The following FAM168A variants were observed in gnomAD, a reference collection of about 807,000 sequenced individuals.
The protein encoded by FAM168A is protein FAM168A.
In FAM168A, 3 loss-of-function variants were observed where a neutral mutation model predicts 28.5. That is an observed-to-expected ratio of 0.11 (90% CI 0.05 to 0.27). The LOEUF is 0.27. Among genes scored for constraint, FAM168A ranks in the 10% least tolerant of loss-of-function variants. FAM168A has a pLI of 1.00. For missense variants in FAM168A, 222 were observed against 311.5 expected (o/e 0.71, Z 2.16); for synonymous variants, 122 against 124.2 (o/e 0.98, Z 0.12).
rs1360517633 is a variant in FAM168A, at chr11:73,405,955, C to CA, written c.*807dup. The CA allele has an allele frequency of 6.6e-6, 1 of 152,630 alleles. No homozygotes were observed. The highest frequency in any genetic ancestry group is 2.4e-5 in the African/African-American group (1 of 41,426). 9.5% of individuals were successfully genotyped at this position (152,630 alleles called of 1,614,324 possible). A position where few individuals can be genotyped will look rare whatever the true frequency, so the allele number is the denominator to read the frequency against. ...TGCAGCCGCTTGGCAGGTCTAAGGA[C>CA]AAAATCACCTTTTGAGGAAGTGCCA... On this transcript the variant is annotated 3_prime_UTR_variant, in exon 8 of 8. Coordinates refer to ENST00000356467, the MANE Select transcript of FAM168A (RefSeq NM_015159.3).
At chr11:73,518,551 T>C (rs1476499678) in intron 1 of FAM168A, among the ~76,000 whole-genome samples, 1 of 150,978 alleles carries the variant, frequency 6.6e-6, no homozygotes, top group Non-Finnish European at 1.5e-5. Flanking sequence ...GGGCGTGGAA[T>C]TGTGGTGGGG....
intron 2 of FAM168A, among the ~76,000 whole-genome samples, chr11:73,451,701 T>C (rs1867433647): frequency 6.6e-6 from 1 of 152,264 alleles, no homozygotes; most frequent in African/African-American, 2.4e-5. Context: ...TACAGATTTG[T>C]AGCCTAGGCT....
chr11:73,441,196 TTA>T (rs1334668797), intron 2 of FAM168A, among the ~76,000 whole-genome samples: 1 of 152,010 alleles, frequency 6.6e-6, no homozygotes, highest in Non-Finnish European at 1.5e-5. Context: ...GTAGCTGGGA[TTA>T]CAGGCACATG....
intron 1 of FAM168A, among the ~76,000 whole-genome samples, chr11:73,580,098 T>C (rs1733303554): frequency 6.6e-6 from 1 of 152,164 alleles, no homozygotes; most frequent in African/African-American, 2.4e-5. Context: ...AGAAAACTGA[T>C]GCTACAATCT....
chr11:73,581,980 G>A lies in FAM168A; in HGVS notation c.-19+15943C>T, dbSNP rs140303215. On this transcript the variant is annotated intron_variant, in intron 1 of 7. Coordinates refer to ENST00000356467, the MANE Select transcript of FAM168A (RefSeq NM_015159.3). ...GATCCGCCCACCTCGGCCTCCCAAA[G>A]TGCTGGGATTACAGGCATGAGCCAC... Among the ~76,000 whole-genome samples the A allele has an allele frequency of 6.0e-4, 91 of 152,032 alleles. 1 individual carries two copies. The East Asian group carries it at 0.014, about 24-fold the overall frequency.
chr11:73,436,742 A>C (rs1362469709), intron 2 of FAM168A, among the ~76,000 whole-genome samples: 1 of 152,214 alleles, frequency 6.6e-6, no homozygotes, highest in African/African-American at 2.4e-5. Context: ...GACAGAACCC[A>C]TTCCTACCAA....
At chr11:73,516,650 A>G (rs963149995) in intron 1 of FAM168A, among the ~76,000 whole-genome samples, 12 of 152,160 alleles carry the variant, frequency 7.9e-5, no homozygotes, top group Non-Finnish European at 1.8e-4. Flanking sequence ...AACTTCTAAT[A>G]TATATATTTT....
At chr11:73,445,011 A>C (rs1867273866) in intron 2 of FAM168A, among the ~76,000 whole-genome samples, 1 of 152,076 alleles carries the variant, frequency 6.6e-6, no homozygotes, top group Admixed American at 6.6e-5. Context: ...TGTAATCCCA[A>C]CATTTTGGGA....
intron 2 of FAM168A, among the ~76,000 whole-genome samples, chr11:73,439,595 T>G (rs948060236): frequency 1.1e-4 from 17 of 152,346 alleles, no homozygotes; most frequent in African/African-American, 3.6e-4. Flanking sequence ...AGGACAATTT[T>G]TTTTTTAACA....
intron 1 of FAM168A, among the ~76,000 whole-genome samples, chr11:73,576,276 C>T (rs1171998812): frequency 6.6e-6 from 1 of 152,076 alleles, no homozygotes; most frequent in Non-Finnish European, 1.5e-5. Context: ...CAATCTAAAT[C>T]GAAGTGTAGA....
At chr11:73,496,051 A>G (rs1209367085) in intron 1 of FAM168A, among the ~76,000 whole-genome samples, 1 of 152,242 alleles carries the variant, frequency 6.6e-6, no homozygotes, top group Non-Finnish European at 1.5e-5. Flanking sequence ...GAATGGATAA[A>G]GAAAATGTTG....
intron 4 of FAM168A, among the ~76,000 whole-genome samples, chr11:73,414,696 T>C (rs991139765): frequency 2.0e-5 from 3 of 152,258 alleles, no homozygotes; most frequent in African/African-American, 4.8e-5. Flanking sequence ...AGAAGCACTT[T>C]ATAAAGATCA....
rs759925340 is a variant in FAM168A, at chr11:73,468,479, G to C, written c.-5C>G. 1.9e-6 allele frequency: 3 copies of C among 1,613,690 alleles called. No homozygotes were observed. Among genetic ancestry groups the C allele is most frequent in the Admixed American group, 1.7e-5 (1 of 59,974 alleles). On this transcript the variant is annotated 5_prime_UTR_variant, in exon 2 of 8. Coordinates refer to ENST00000356467, the MANE Select transcript of FAM168A (RefSeq NM_015159.3). ...GGGGCTGTAAACAGGGTTCATTGTG[G>C]AAGACTGAGGATCCTACAGAGAAAA...
intron 2 of FAM168A, among the ~76,000 whole-genome samples, chr11:73,452,617 T>G (rs1867451823): frequency 1.3e-5 from 2 of 152,090 alleles, no homozygotes; most frequent in Admixed American, 1.3e-4. Context: ...GGTGTTCTGG[T>G]CCTATACCAT....
rs796626852 is a variant in FAM168A at position 73,418,634 on chromosome 11, G to A, written c.277+1240C>T. 3.3e-5 allele frequency among the ~76,000 whole-genome samples: 5 copies of A among 152,164 alleles called. No homozygotes were observed. In the South Asian group the frequency reaches 8.3e-4, roughly 25 times the overall value. On this transcript the variant is annotated intron_variant, in intron 4 of 7. Coordinates refer to ENST00000356467, the MANE Select transcript of FAM168A (RefSeq NM_015159.3). ...CTTACTTAGTAGATTAATAATTTGTGGAACCACACACTATCAGGCCTTGCC... is the reference window on the plus strand; with the variant it reads ...CTTACTTAGTAGATTAATAATTTGTAGAACCACACACTATCAGGCCTTGCC...
intron 1 of FAM168A, among the ~76,000 whole-genome samples, chr11:73,569,619 C>G (rs1245257639): frequency 6.6e-6 from 1 of 151,988 alleles, no homozygotes; most frequent in African/African-American, 2.4e-5. Context: ...GTCAGGAGTT[C>G]GAGACCAGCC....
intron 1 of FAM168A, among the ~76,000 whole-genome samples, chr11:73,552,500 T>G (rs1406329280): frequency 6.6e-6 from 1 of 152,226 alleles, no homozygotes; most frequent in Non-Finnish European, 1.5e-5. Flanking sequence ...AGGCAAGCAT[T>G]AAGTATTAGT....
chr11:73,533,283 T>C (rs1186085411), intron 1 of FAM168A, among the ~76,000 whole-genome samples: 1 of 152,204 alleles, frequency 6.6e-6, no homozygotes, highest in Non-Finnish European at 1.5e-5. Flanking sequence ...AGTTTCATTA[T>C]AATATGTCAC....
At chr11:73,421,075 G>T (rs1400295046) in intron 3 of FAM168A, among the ~76,000 whole-genome samples, 2 of 151,142 alleles carry the variant, frequency 1.3e-5, no homozygotes, top group African/African-American at 2.4e-5. Flanking sequence ...AAGTCTTGGG[G>T]GGGGGGTCAT....
Sources: allele counts gnomAD v4.1 joint callset (sites outside exome capture counted in the v4.1 genomes callset), GRCh38; gene constraint gnomAD v4.1.1; transcripts MANE v1.5; gene names NCBI Gene and HGNC (gene_info 2026-07-23, HGNC 2026-07-21).